SLIT2: variants seen among roughly 807,000 people sequenced by gnomAD.
SLIT2 encodes slit guidance ligand 2.
A neutral mutation model predicts 185.7 loss-of-function variants in SLIT2; 41 were observed. That is an observed-to-expected ratio of 0.22 (90% confidence interval 0.17 to 0.29). SLIT2 has a LOEUF of 0.29. Among genes scored for constraint, SLIT2 ranks in the 10% least tolerant of loss-of-function variants. The probability of loss-of-function intolerance (pLI) is 1.00; values close to 1 mark genes in which losing one functional copy is unlikely to be tolerated. For missense variants in SLIT2, 1,571 were observed against 1,909.0 expected (o/e 0.82, Z 3.30); for synonymous variants, 693 against 680.2 (o/e 1.02, Z -0.29).
chr4:20,525,259 C>T (rs1721186350), intron 15 of SLIT2, 87 bp downstream of exon 15: 15 of 968,654 alleles, frequency 1.5e-5, no homozygotes, highest in Non-Finnish European at 2.4e-5. Context: ...ATGCATGCTT[C>T]TGAAAGTACA....
chr4:20,252,341 C>T lies in SLIT2; in HGVS notation c.-1475C>T, dbSNP rs1373362942. ...CCGAGTCCCCGCTCTGAGTCGTCGC[C>T]CTCCCTCTCCCCGACCTCGCTCCCT... On this transcript the variant is annotated 5_prime_UTR_variant, in exon 1 of 37. Transcript: ENST00000504154. Among the ~76,000 whole-genome samples the T allele has an allele frequency of 1.3e-5, 2 of 152,140 alleles. No individual in the cohort carries two copies. The highest frequency in any genetic ancestry group is 2.4e-5 in the African/African-American group (1 of 41,448).
Position 20,357,545 on chromosome 4 carries a change from T to A in SLIT2, c.395+88664T>A, listed in dbSNP as rs892049196. On this transcript the variant is annotated intron_variant, in intron 4 of 36. Coordinates refer to ENST00000504154, the MANE Select transcript of SLIT2 (RefSeq NM_004787.4). ...GAGTTAAATAGATGCCCCTACATAA[T>A]ACCTATATATCATTACTAGTTTTAA... Among the ~76,000 whole-genome samples the A allele has an allele frequency of 3.9e-5, 6 of 152,118 alleles. No homozygotes were observed. The East Asian group carries it at 9.6e-4, about 24-fold the overall frequency.
chr4:20,546,163 A>G, intron 22 of SLIT2, 64 bp downstream of exon 22: 1 of 870,082 alleles, frequency 1.1e-6, no homozygotes, highest in Non-Finnish European at 1.9e-6. Context: ...ATGGCAAGGG[A>G]CAGAAGATTT....
intron 34 of SLIT2, chr4:20,615,874 T>C (rs1729611604): frequency 6.6e-6 from 1 of 152,038 alleles, no homozygotes. Context: ...AATTACGGGG[T>C]TGTGGGGATG....
intron 32 of SLIT2, among the ~76,000 whole-genome samples, chr4:20,597,170 A>T (rs933605263): frequency 6.6e-6 from 1 of 151,012 alleles, no homozygotes; most frequent in African/African-American, 2.4e-5. Context: ...GGCTCAAGCG[A>T]TTCTCCTGCC....
At position 20,253,961 on chromosome 4, in the gene SLIT2, T is replaced by C; in HGVS notation, c.146T>C (p.Val49Ala). The change falls in exon 1 of 37, where the codon GTG becomes GCG. Residue 49 changes from valine (V) to alanine (A), a missense_variant. Physicochemically the swap from Val to Ala is moderately conservative, Grantham distance 64. Around this residue, in one of 3 missense-constraint regions of SLIT2, gnomAD observed 1,202 missense variants for 1,416.4 expected, o/e 0.85. Transcript: ENST00000504154. ...TGTCACGGGCTGGCGCTGCGCAGCG[T>C]GCCCAGGAATATCCCCCGCAACACC... ...VDCHGLALRS[V>A]PRNIPRNTER... 6.2e-7 allele frequency: 1 copy of C among 1,603,018 alleles called. No individual in the cohort carries two copies. The highest frequency in any genetic ancestry group is 8.5e-7 in the Non-Finnish European group (1 of 1,179,744).
intron 33 of SLIT2, among the ~76,000 whole-genome samples, chr4:20,604,493 G>T (rs553809528): frequency 1.8e-4 from 28 of 152,032 alleles, no homozygotes; most frequent in African/African-American, 6.7e-4. Context: ...GGGACTACAG[G>T]CGCTCACCCC....
chr4:20,375,544 T>C (rs4403045), intron 4 of SLIT2, among the ~76,000 whole-genome samples: 110,392 of 151,932 alleles, frequency 0.73, 40,486 homozygotes, highest in African/African-American at 0.82. Flanking sequence ...TTAGTAGAAC[T>C]AGGCTCTGGA....
chr4:20,373,656 AT>A (rs1723774154), intron 4 of SLIT2, among the ~76,000 whole-genome samples: 1 of 152,112 alleles, frequency 6.6e-6, no homozygotes, highest in Admixed American at 6.6e-5. Context: ...CTTGATAAAT[AT>A]GTATTGAGTC....
At chr4:20,529,675 G>C (rs1249437821) in intron 16 of SLIT2, among the ~76,000 whole-genome samples, 1 of 152,180 alleles carries the variant, frequency 6.6e-6, no homozygotes, top group Admixed American at 6.5e-5. Flanking sequence ...ATAGGACCTT[G>C]CACATACTAA....
At chr4:20,274,176 C>T (rs1177057907) in intron 4 of SLIT2, among the ~76,000 whole-genome samples, 3 of 152,072 alleles carry the variant, frequency 2.0e-5, no homozygotes, top group Non-Finnish European at 2.9e-5. Flanking sequence ...GACTCTGTAT[C>T]GAGAGAGAAA....
intron 33 of SLIT2, among the ~76,000 whole-genome samples, chr4:20,609,159 C>T (rs1477956638): frequency 6.6e-6 from 1 of 152,116 alleles, no homozygotes; most frequent in Non-Finnish European, 1.5e-5. Context: ...ACTAATTGCA[C>T]TCAACTTCAT....
At chr4:20,532,080 T>TA in intron 17 of SLIT2, 22 bp downstream of exon 17, 1 of 1,415,514 alleles carries the variant, frequency 7.1e-7, no homozygotes, top group Non-Finnish European at 9.7e-7. Flanking sequence ...GTTAGCTATT[T>TA]TTTTTATTTC....
At chr4:20,307,231 T>TTTCCTTCCCTCCTTCCTTCC (rs1553876337) in intron 4 of SLIT2, among the ~76,000 whole-genome samples, 2 of 57,706 alleles carry the variant, frequency 3.5e-5, no homozygotes, top group African/African-American at 7.2e-5. Context: ...CTCTATTTCT[T>TTTCCTTCCCTCCTTCCTTCC]TTCCTTCCTT....
Position 20,426,263 on chromosome 4 carries a change from G to A in SLIT2, c.396-41489G>A, listed in dbSNP as rs529233935. Among the ~76,000 whole-genome samples, 5 of 152,338 alleles carry A rather than the reference G, an allele frequency of 3.3e-5. No individual in the cohort carries two copies. In the South Asian group the frequency reaches 1.0e-3, roughly 32 times the overall value. On this transcript the variant is annotated intron_variant, in intron 4 of 36. Transcript: ENST00000504154. ...AGGACTGCTGGCAGATGAGCACAGA[G>A]TTGAGTACAACTTTCACTGTGTAGG... is the stretch of plus-strand genomic sequence containing the variant.
chr4:20,305,433 T>G (rs1018634383), intron 4 of SLIT2, among the ~76,000 whole-genome samples: 20 of 152,204 alleles, frequency 1.3e-4, no homozygotes, highest in Non-Finnish European at 2.2e-4. Flanking sequence ...AAATTTAAGC[T>G]AATTTATATA....
intron 4 of SLIT2, among the ~76,000 whole-genome samples, chr4:20,393,944 C>G (rs1039962171): frequency 6.6e-6 from 1 of 152,004 alleles, no homozygotes; most frequent in Non-Finnish European, 1.5e-5. Context: ...AGTGCTGAAT[C>G]AATCACGTCC....
Position 20,523,870 on chromosome 4 carries a change from G to A in SLIT2, c.1241G>A (p.Gly414Glu). The A allele has an allele frequency of 6.2e-7, 1 of 1,614,028 alleles. No homozygotes were observed. The highest frequency in any genetic ancestry group is 8.5e-7 in the Non-Finnish European group (1 of 1,179,990). ...YDNKLQTIAK[G>E]TFSPLRAIQT... Reference sequence around the variant, plus strand: ...AACAAGCTTCAGACCATCGCCAAGGGGACCTTTTCACCTCTTCGGGCCATT... The same window carrying A: ...AACAAGCTTCAGACCATCGCCAAGGAGACCTTTTCACCTCTTCGGGCCATT... Residue 414 changes from glycine to glutamate, a missense_variant, in exon 13 of 37, where the codon GGG (glycine) becomes GAG (glutamate). Physicochemically the swap from Gly to Glu is moderately conservative, Grantham distance 98 (BLOSUM62 -2). Transcript: ENST00000504154.
chr4:20,361,956 A>G (rs1001930002), intron 4 of SLIT2, among the ~76,000 whole-genome samples: 1 of 152,116 alleles, frequency 6.6e-6, no homozygotes, highest in African/African-American at 2.4e-5. Flanking sequence ...AAAGTTTAAA[A>G]TTATTTTCGA....
Sources: gnomAD v4.1 joint callset for allele counts (sites outside exome capture counted in the v4.1 genomes callset) on GRCh38, gnomAD v4.1.1 for gene constraint, gnomAD v4.1.1 regional missense constraint, MANE v1.5 for transcripts, NCBI Gene and HGNC (gene_info 2026-07-23, HGNC 2026-07-21) for gene names.